Variants in CEP112 observed in about 807,000 individuals in gnomAD.
CEP112 encodes centrosomal protein 112, also known as centrosomal protein of 112 kDa.
Under a neutral mutation model 153.0 loss-of-function variants are expected in CEP112, and 127 were observed. That is an observed-to-expected ratio of 0.83 (90% CI 0.72 to 0.96). CEP112 has a LOEUF of 0.96. CEP112 is among the 40% of genes least tolerant of loss of function. CEP112 has a pLI of 0.00. For missense variants in CEP112, 1,089 were observed against 1,101.2 expected (o/e 0.99, Z 0.16); for synonymous variants, 358 against 374.4 (o/e 0.96, Z 0.51).
chr17:65,708,038 C>A (rs1369630397), intron 23 of CEP112, among the ~76,000 whole-genome samples: 1 of 152,150 alleles, frequency 6.6e-6, no homozygotes, highest in Non-Finnish European at 1.5e-5. Context: ...ATGAATCATG[C>A]CTGTAACTAA....
chr17:66,163,603 A>G (rs2071805890), intron 4 of CEP112, among the ~76,000 whole-genome samples: 1 of 152,130 alleles, frequency 6.6e-6, no homozygotes, highest in Non-Finnish European at 1.5e-5. Context: ...ATGCTTAACA[A>G]AACTAGAAAA....
At chr17:66,127,047 G>A (rs2146500262) in intron 6 of CEP112, among the ~76,000 whole-genome samples, 1 of 152,022 alleles carries the variant, frequency 6.6e-6, no homozygotes, top group South Asian at 2.1e-4. Context: ...TGCCTATATG[G>A]TACAAATATA....
chr17:65,756,922 T>C (rs1186300142), intron 21 of CEP112, among the ~76,000 whole-genome samples: 1 of 152,152 alleles, frequency 6.6e-6, no homozygotes, highest in Non-Finnish European at 1.5e-5. Context: ...TCCTATGTTA[T>C]GTTGCAACCC....
At chr17:65,875,216 A>G (rs945274327) in intron 20 of CEP112, among the ~76,000 whole-genome samples, 8 of 151,896 alleles carry the variant, frequency 5.3e-5, no homozygotes, top group Non-Finnish European at 4.4e-5. Flanking sequence ...CACAGAATAT[A>G]ATTCTTTGGA....
intron 20 of CEP112, among the ~76,000 whole-genome samples, chr17:65,900,390 G>A (rs1276882846): frequency 6.6e-6 from 1 of 152,040 alleles, no homozygotes; most frequent in Non-Finnish European, 1.5e-5. Context: ...TGTTTCAATA[G>A]GAAGAAATTC....
intron 6 of CEP112, among the ~76,000 whole-genome samples, chr17:66,123,023 C>T (rs1032815579): frequency 6.6e-6 from 1 of 152,190 alleles, no homozygotes; most frequent in African/African-American, 2.4e-5. Context: ...CTTCAGACTG[C>T]CTCTCCCCCT....
At chr17:65,810,700 T>C (rs1403246886) in intron 21 of CEP112, among the ~76,000 whole-genome samples, 1 of 151,994 alleles carries the variant, frequency 6.6e-6, no homozygotes, top group African/African-American at 2.4e-5. Context: ...TAACATATTA[T>C]TTCATATTTT....
At chr17:66,027,647 A>T in intron 15 of CEP112, 87 bp from the exon 16 acceptor site, 1 of 962,908 alleles carries the variant, frequency 1.0e-6, no homozygotes, top group Non-Finnish European at 1.4e-6. Flanking sequence ...CAATCAATCT[A>T]CTTAATGTCA....
chr17:66,006,283 G>C (rs751484048), intron 16 of CEP112, among the ~76,000 whole-genome samples: 1 of 152,070 alleles, frequency 6.6e-6, no homozygotes, highest in Admixed American at 6.6e-5. Context: ...GAGTAAATGA[G>C]ATGGCAGCAT....
At chr17:65,657,726 C>T (rs969401031) in intron 24 of CEP112, among the ~76,000 whole-genome samples, 12 of 152,148 alleles carry the variant, frequency 7.9e-5, no homozygotes, top group African/African-American at 2.4e-5. Flanking sequence ...AGGTTTATAA[C>T]TGACTTTGTT....
intron 4 of CEP112, among the ~76,000 whole-genome samples, chr17:66,164,295 C>T (rs571838065): frequency 1.5e-4 from 23 of 152,174 alleles, no homozygotes; most frequent in Admixed American, 3.3e-4. Context: ...CAGTGGCTCA[C>T]GCCTGTAATC....
At chr17:66,013,625 G>A (rs2064637209) in intron 16 of CEP112, among the ~76,000 whole-genome samples, 1 of 152,138 alleles carries the variant, frequency 6.6e-6, no homozygotes, top group African/African-American at 2.4e-5. Flanking sequence ...AGTGTTCCTG[G>A]TCCGATGGCC....
chr17:65,659,106 T>C (rs1598224549), intron 24 of CEP112, among the ~76,000 whole-genome samples: 1 of 151,366 alleles, frequency 6.6e-6, no homozygotes, highest in Admixed American at 6.6e-5. Flanking sequence ...ATGGTCTAGA[T>C]AGCAGATTAA....
At chr17:66,017,128 A>G (rs931280216) in intron 16 of CEP112, among the ~76,000 whole-genome samples, 4 of 152,246 alleles carry the variant, frequency 2.6e-5, no homozygotes, top group Non-Finnish European at 4.4e-5. Context: ...GTGAACACCC[A>G]AAATCACAAT....
chr17:65,730,511 C>A (rs910544164), intron 23 of CEP112, among the ~76,000 whole-genome samples: 1 of 152,114 alleles, frequency 6.6e-6, no homozygotes, highest in African/African-American at 2.4e-5. Flanking sequence ...ATTATTAATT[C>A]TAATTCAGGA....
intron 22 of CEP112, among the ~76,000 whole-genome samples, chr17:65,746,263 T>C (rs2051460755): frequency 6.6e-6 from 1 of 151,834 alleles, no homozygotes; most frequent in Non-Finnish European, 1.5e-5. Context: ...AAGGACGTGC[T>C]TGCTTTTGTG....
chr17:65,828,651 C>T (rs975142551), intron 21 of CEP112, among the ~76,000 whole-genome samples: 3 of 151,864 alleles, frequency 2.0e-5, no homozygotes, highest in African/African-American at 7.3e-5. Flanking sequence ...CTTAGGCTTA[C>T]TCTAACTAGT....
intron 6 of CEP112, among the ~76,000 whole-genome samples, chr17:66,119,948 A>G (rs2146445172): frequency 6.6e-6 from 1 of 152,228 alleles, no homozygotes; most frequent in Non-Finnish European, 1.5e-5. Flanking sequence ...ATCTCATCAT[A>G]GCATCTTTTG....
intron 24 of CEP112, among the ~76,000 whole-genome samples, chr17:65,652,671 G>T (rs1043738139): frequency 6.6e-6 from 1 of 152,034 alleles, no homozygotes; most frequent in African/African-American, 2.4e-5. Flanking sequence ...AGTATCTGTG[G>T]ATTGAGAAAG....
Sources: gnomAD v4.1 joint callset for allele counts (sites outside exome capture counted in the v4.1 genomes callset) on GRCh38, gnomAD v4.1.1 for gene constraint, MANE v1.5 for transcripts, NCBI Gene and HGNC (gene_info 2026-07-23, HGNC 2026-07-21) for gene names.